POGZ: variants seen among roughly 807,000 people sequenced by gnomAD.
POGZ encodes pogo transposable element with ZNF domain.
A neutral mutation model predicts 134.6 loss-of-function variants in POGZ; 17 were observed. That is an observed-to-expected ratio of 0.13 (90% CI 0.09 to 0.19). The LOEUF is 0.19. POGZ is among the 10% of genes least tolerant of loss of function. The pLI is 1.00. For synonymous variants in POGZ, 693 were observed against 657.1 expected, an observed-to-expected ratio of 1.05 and a Z score of -0.84; for missense variants, 1,306 against 1,769.7, an observed-to-expected ratio of 0.74 and a Z score of 4.70.
intron 10 of POGZ, among the ~76,000 whole-genome samples, chr1:151,418,579 A>C (rs1356163517): frequency 1.3e-5 from 2 of 152,170 alleles, no homozygotes; most frequent in Non-Finnish European, 2.9e-5. Flanking sequence ...GCTAGAAGAG[A>C]ATAATTTGAA....
intron 4 of POGZ, among the ~76,000 whole-genome samples, chr1:151,430,387 G>A (rs112844475): frequency 2.0e-5 from 3 of 152,312 alleles, no homozygotes; most frequent in African/African-American, 7.2e-5. Flanking sequence ...AGAGCCAAGC[G>A]TTAAGGCTTC....
chr1:151,444,534 C>T (rs1279586251), intron 1 of POGZ, among the ~76,000 whole-genome samples: 5 of 152,188 alleles, frequency 3.3e-5, no homozygotes, highest in African/African-American at 7.2e-5. Context: ...ACAATAACCT[C>T]TGCCGATGGT....
At chr1:151,456,944 CT>C (rs1417665938) in intron 1 of POGZ, among the ~76,000 whole-genome samples, 4 of 152,190 alleles carry the variant, frequency 2.6e-5, no homozygotes, top group African/African-American at 7.2e-5. Flanking sequence ...TTTGGTGCCC[CT>C]GACTTGCTTT....
chr1:151,442,766 T>TA, intron 1 of POGZ, among the ~76,000 whole-genome samples: 1 of 150,052 alleles, frequency 6.7e-6, no homozygotes, highest in South Asian at 2.1e-4. Context: ...CACAGTGGCT[T>TA]ATGCTTGTAA....
intron 3 of POGZ, among the ~76,000 whole-genome samples, chr1:151,431,148 G>C (rs1489005866): frequency 6.6e-6 from 1 of 151,942 alleles, no homozygotes; most frequent in Non-Finnish European, 1.5e-5. Context: ...GGTTTAATGT[G>C]ACCAAACTCA....
In POGZ at chr1:151,427,880, T is replaced by G; in HGVS notation, c.1021A>C (p.Asn341His). 1 of 1,614,156 alleles carries G rather than the reference T, an allele frequency of 6.2e-7. No homozygotes were observed. Among genetic ancestry groups the G allele is most frequent in the Non-Finnish European group, 8.5e-7 (1 of 1,179,990 alleles). Residue 341 changes from asparagine (N) to histidine (H), a missense_variant, in exon 7 of 19, where the codon AAC becomes CAC. By Grantham distance (68) the Asn-to-His change is moderately conservative. Coordinates refer to ENST00000271715, the MANE Select transcript of POGZ (RefSeq NM_015100.4). ...TGAGAGCCATGAGCAGAGCTGTTGTTGGACACCACCACTGGCCCAGGACTC... is the reference window on the plus strand; with the variant it reads ...TGAGAGCCATGAGCAGAGCTGTTGTGGGACACCACCACTGGCCCAGGACTC... ...GQSPGPVVVSNNSSAHGSQRT... is the reference protein window; with the variant it reads ...GQSPGPVVVSHNSSAHGSQRT...
chr1:151,450,368 CT>C (rs901050616), intron 1 of POGZ, among the ~76,000 whole-genome samples: 2 of 151,846 alleles, frequency 1.3e-5, no homozygotes, highest in African/African-American at 4.8e-5. Flanking sequence ...CATCTGACAA[CT>C]TTTAGGTCAC....
At chr1:151,423,860 C>T (rs1657349074) in intron 9 of POGZ, 89 bp downstream of exon 9, 1 of 994,970 alleles carries the variant, frequency 1.0e-6, no homozygotes, top group Admixed American at 2.5e-5. Context: ...GTAGTTAGGT[C>T]CATTCTCCAA....
chr1:151,411,026 T>C (rs947694967), intron 12 of POGZ, among the ~76,000 whole-genome samples: 1 of 152,226 alleles, frequency 6.6e-6, no homozygotes, highest in African/African-American at 2.4e-5. Context: ...TCCCTAACTG[T>C]AGTCTCAATC....
chr1:151,411,872 A>C, intron 11 of POGZ, 101 bp from the exon 12 acceptor site: 6 of 1,024,020 alleles, frequency 5.9e-6, no homozygotes, highest in Non-Finnish European at 8.2e-6. Flanking sequence ...TAAAAAAAAA[A>C]AGTTTTCTCA....
chr1:151,410,264 C>T (rs1654437988), intron 12 of POGZ, among the ~76,000 whole-genome samples: 1 of 152,208 alleles, frequency 6.6e-6, no homozygotes, highest in Non-Finnish European at 1.5e-5. Flanking sequence ...CTGGGTCCTC[C>T]CTTTTTATAA....
Position 151,404,902 on chromosome 1 carries a change from G to T in POGZ, c.4133C>A (p.Thr1378Lys), listed in dbSNP as rs1446505892. 1.2e-6 allele frequency: 2 copies of T among 1,614,176 alleles called. No homozygotes were observed. The highest frequency in any genetic ancestry group is 1.7e-6 in the Non-Finnish European group (2 of 1,180,040). ...CTGGTGAAGACTTTCAGGCTCAATT[G>T]TCTCTTCAGGAGATGATCTGGGTCG... ...TPRPRSSPEE[T>K]IEPESLHQLF... Residue 1378 changes from threonine to lysine, a missense_variant, in exon 19 of 19, where the codon ACA (threonine) becomes AAA (lysine). Thr to Lys is a moderately conservative substitution (Grantham distance 78, BLOSUM62 -1). This residue lies in a region of POGZ where 107 missense variants were observed against 97.9 expected (regional missense o/e 1.09). Transcript: ENST00000271715.
At chr1:151,434,307 A>C (rs1659217832) in intron 3 of POGZ, among the ~76,000 whole-genome samples, 1 of 152,020 alleles carries the variant, frequency 6.6e-6, no homozygotes, top group South Asian at 2.1e-4. Flanking sequence ...TCTCAGTCTC[A>C]AAAATAAAAA....
At position 151,415,657 on chromosome 1, in the gene POGZ, C is replaced by T. The variant is rs536406790; in HGVS notation, c.1679-3261G>A. ...CTGCACTCCAGCCTGGGCAAAAGAG[C>T]GAGACTCCGTCTCAAAAAAAAAAAA... On this transcript the variant is annotated intron_variant, in intron 10 of 18. Transcript: ENST00000271715. Among the ~76,000 whole-genome samples the T allele has an allele frequency of 5.2e-4, 67 of 129,000 alleles. No homozygotes were observed. In the South Asian group the frequency reaches 0.015, roughly 30 times the overall value. 84.6% of individuals were successfully genotyped at this position (129,000 alleles called of 152,430 possible).
chr1:151,454,225 A>G (rs1662497040), intron 1 of POGZ, among the ~76,000 whole-genome samples: 1 of 152,364 alleles, frequency 6.6e-6, no homozygotes, highest in African/African-American at 2.4e-5. Flanking sequence ...AAACATTTTA[A>G]GAATACCACT....
At chr1:151,425,221 A>G (rs1657569852) in intron 7 of POGZ, 160 bp from the exon 8 acceptor site, 2 of 503,760 alleles carry the variant, frequency 4.0e-6, no homozygotes, top group Admixed American at 5.7e-5. Flanking sequence ...TTTTTTTGAG[A>G]CACGGTCTCT....
In POGZ at chr1:151,411,694, C is replaced by A. The variant is rs1430462996; in HGVS notation, c.1857G>T (p.Leu619=). The part of the protein sequence containing the change: ...FRMIHEDTRH[L]LCPYCLKVFK... Reference sequence around the variant, plus strand: ...AGACCTTCAGGCAATAAGGGCAGAGCAGATGCCGGGTATCCTCATGGATCA... The same window carrying A: ...AGACCTTCAGGCAATAAGGGCAGAGAAGATGCCGGGTATCCTCATGGATCA... The change falls in exon 12 of 19, where the codon CTG becomes CTT. Residue 619 remains leucine (L), a synonymous_variant. Transcript: ENST00000271715. 1.9e-6 allele frequency: 3 copies of A among 1,613,368 alleles called. No homozygotes were observed. The African/African-American group carries it at 4.0e-5, about 22-fold the overall frequency.
intron 1 of POGZ, among the ~76,000 whole-genome samples, chr1:151,449,874 G>A (rs906674938): frequency 2.0e-5 from 3 of 152,164 alleles, no homozygotes; most frequent in African/African-American, 4.8e-5. Context: ...GAGACAGTGC[G>A]AGACTCCGTC....
At position 151,404,761 on chromosome 1, in the gene POGZ, T is replaced by C; in HGVS notation, c.*41A>G. On this transcript the variant is annotated 3_prime_UTR_variant, in exon 19 of 19. Transcript: ENST00000271715. ...CTAAGCCCCTTTACCCTCCCTCACA[T>C]GTTCCCACCCTCACTCCACACCCCC... The C allele has an allele frequency of 1.3e-6, 2 of 1,531,330 alleles. No individual in the cohort carries two copies. Among genetic ancestry groups the C allele is most frequent in the Non-Finnish European group, 8.8e-7 (1 of 1,138,882 alleles). The allele number at this position is 1,531,330 out of a possible 1,614,324, so 94.9% of individuals were successfully genotyped here.
Sources: allele counts gnomAD v4.1 joint callset (sites outside exome capture counted in the v4.1 genomes callset), GRCh38; gene constraint gnomAD v4.1.1; regional missense constraint gnomAD v4.1.1; transcripts MANE v1.5; gene names NCBI Gene and HGNC (gene_info 2026-07-23, HGNC 2026-07-21).